The following PADI4 variants were observed in gnomAD, a reference collection of about 807,000 sequenced individuals.
PADI4 encodes the protein peptidyl arginine deiminase 4, also known as protein-arginine deiminase type-4.
Under a neutral mutation model 75.0 loss-of-function variants are expected in PADI4, and 62 were observed. The observed-to-expected ratio is 0.83, with a 90% CI of 0.67 to 1.02. PADI4 has a LOEUF of 1.02. PADI4 is among the 50% of genes least tolerant of loss of function. The pLI is 0.00. For synonymous variants in PADI4, 361 were observed against 348.1 expected, an observed-to-expected ratio of 1.04 and a Z score of -0.41; for missense variants, 845 against 850.5, an observed-to-expected ratio of 0.99 and a Z score of 0.08.
rs748893547 is a variant in PADI4 at position 17,356,008 on chromosome 1, G to A, written c.1336G>A (p.Ala446Thr). 12 of 1,613,988 alleles carry A rather than the reference G, an allele frequency of 7.4e-6. No homozygotes were observed. Among genetic ancestry groups the A allele is most frequent in the African/African-American group, 1.3e-5 (1 of 74,902 alleles). ...CAATGACAGCCGGCAGATGCACCAGGCCCTGCAGGACTTCCTCAGTGCCCA... is the reference window on the plus strand; with the variant it reads ...CAATGACAGCCGGCAGATGCACCAGACCCTGCAGGACTTCCTCAGTGCCCA... ...PSNDSRQMHQ[A>T]LQDFLSAQQV... is the part of the protein sequence containing the mutation. The change falls in exon 12 of 16, where the codon GCC (alanine) becomes ACC (threonine). Residue 446 changes from alanine (A) to threonine (T), a missense_variant. Transcript: ENST00000375448. This position sits in a 1 kb window ranked among gnomAD's most constrained non-coding sequence, Gnocchi z 4.1.
At chr1:17,316,000 C>A (rs956718571) in intron 1 of PADI4, among the ~76,000 whole-genome samples, 2 of 151,922 alleles carry the variant, frequency 1.3e-5, no homozygotes, top group African/African-American at 4.8e-5. Flanking sequence ...CCACAGGGTG[C>A]CTCCACCCAG....
At position 17,356,086 on chromosome 1, in the gene PADI4, G is replaced by A. The variant is rs757419432; in HGVS notation, c.1414G>A (p.Val472Met). ...TTCTGACTGGCTGTCCGTGGGCCAC[G>A]TGGACGAGTTCCTGAGCTTTGTGCC... ...LYSDWLSVGH[V>M]DEFLSFVPAP... Residue 472 changes from valine to methionine, a missense_variant, in exon 12 of 16, where the codon GTG becomes ATG. Transcript: ENST00000375448. The surrounding 1 kb of genome is among the most constrained non-coding windows in gnomAD (Gnocchi z 4.1). 17 of 1,614,088 alleles carry A rather than the reference G, an allele frequency of 1.1e-5. No homozygotes were observed. Among genetic ancestry groups the A allele is most frequent in the South Asian group, 7.7e-5 (7 of 91,092 alleles).
chr1:17,357,792 G>A (rs2074785036), intron 13 of PADI4, among the ~76,000 whole-genome samples: 2 of 151,810 alleles, frequency 1.3e-5, no homozygotes, highest in African/African-American at 2.4e-5. Context: ...TTAGCCGGGC[G>A]TGGTGGCGGG....
At chr1:17,352,218 T>TGATGAGAGGTGGTAGGAGAGGC (rs2074673772) in intron 10 of PADI4, among the ~76,000 whole-genome samples, 10 of 90,512 alleles carry the variant, frequency 1.1e-4, no homozygotes, top group Admixed American at 6.9e-4. Context: ...GTAAGAGGGG[T>TGATGAGAGGTGGTAGGAGAGGC]GGTCAGGGAA....
At chr1:17,323,424 G>C (rs1033120109) in intron 1 of PADI4, among the ~76,000 whole-genome samples, 1 of 152,208 alleles carries the variant, frequency 6.6e-6, no homozygotes, top group Non-Finnish European at 1.5e-5. Flanking sequence ...AATTACTGGG[G>C]ACCATCTTAG....
In PADI4 at chr1:17,350,967, G is replaced by A. The variant is rs1156686011; in HGVS notation, c.1155+2919G>A. 1.6e-5 allele frequency among the ~76,000 whole-genome samples: 2 copies of A among 123,638 alleles called. 1 individual carries two copies. Among genetic ancestry groups the A allele is most frequent in the South Asian group, 6.5e-4 (2 of 3,100 alleles). 81.1% of individuals were successfully genotyped at this position (123,638 alleles called of 152,430 possible). ...TTTGGAAGGCCAAGGTGGGAGAATT[G>A]TTTGAACCCAGGAGTTTGAGACCAG... On this transcript the variant is annotated intron_variant, in intron 10 of 15. Coordinates refer to ENST00000375448, the MANE Select transcript of PADI4 (RefSeq NM_012387.3).
At chr1:17,342,229 C>T in intron 7 of PADI4, 70 bp from the exon 8 acceptor site, 1 of 1,416,208 alleles carries the variant, frequency 7.1e-7, no homozygotes, top group Non-Finnish European at 1.0e-6. Flanking sequence ...CAAACAGCTG[C>T]AGGAAGTGGT....
At chr1:17,316,799 C>T (rs192413401) in intron 1 of PADI4, among the ~76,000 whole-genome samples, 38 of 152,198 alleles carry the variant, frequency 2.5e-4, no homozygotes, top group South Asian at 2.3e-3. Flanking sequence ...TCCCCTGCCC[C>T]GCGCCCAGCT....
In PADI4 at chr1:17,308,294, G is replaced by A; in HGVS notation, c.72G>A (p.Leu24=). 3 of 1,614,022 alleles carry A rather than the reference G, an allele frequency of 1.9e-6. No individual in the cohort carries two copies. Reference sequence around the variant, plus strand: ...ATGCCGTGTGTGTGCTGGGCACCTTGACTCAGCTTGACATCTGCAGGTAAG... The same window carrying A: ...ATGCCGTGTGTGTGCTGGGCACCTTAACTCAGCTTGACATCTGCAGGTAAG... The part of the protein sequence containing the change: ...PTHAVCVLGT[L]TQLDICSSAP... Residue 24 remains leucine, a synonymous_variant, in exon 1 of 16, where the codon TTG becomes TTA. Transcript: ENST00000375448.
intron 8 of PADI4, among the ~76,000 whole-genome samples, chr1:17,343,721 G>T (rs2074464128): frequency 6.6e-6 from 1 of 152,084 alleles, no homozygotes; most frequent in Non-Finnish European, 1.5e-5. Flanking sequence ...TTTTATCAGG[G>T]GTTTCCACTT....
At chr1:17,321,765 G>C (rs774440469) in intron 1 of PADI4, among the ~76,000 whole-genome samples, 1 of 152,200 alleles carries the variant, frequency 6.6e-6, no homozygotes, top group Non-Finnish European at 1.5e-5. Context: ...ACCAAGATGA[G>C]TGTCAATCAT....
In PADI4 at chr1:17,331,143, C is replaced by A; in HGVS notation, c.267C>A (p.Asp89Glu). Residue 89 changes from aspartate (D) to glutamate (E), a missense_variant, in exon 2 of 16, where the codon GAC becomes GAA. By Grantham distance (45) the Asp-to-Glu change is conservative. Coordinates refer to ENST00000375448, the MANE Select transcript of PADI4 (RefSeq NM_012387.3). ...AAGTGGCCAGTGGTAGCACAGGCGA[C>A]CAGAAGGTGAGTGTCATAGCTGTGG... Reference protein sequence around the residue: ...TMKVASGSTGDQKVQISYYGP... With the variant: ...TMKVASGSTGEQKVQISYYGP... The A allele has an allele frequency of 6.2e-7, 1 of 1,609,432 alleles. No homozygotes were observed.
intron 3 of PADI4, among the ~76,000 whole-genome samples, chr1:17,335,933 G>T (rs1388762065): frequency 6.6e-6 from 1 of 152,268 alleles, no homozygotes; most frequent in Non-Finnish European, 1.5e-5. Context: ...AGGGGAACAG[G>T]TGTGGTCAGA....
intron 10 of PADI4, among the ~76,000 whole-genome samples, chr1:17,350,244 C>T (rs1383317401): frequency 1.5e-5 from 2 of 129,296 alleles, no homozygotes; most frequent in African/African-American, 5.0e-5. Flanking sequence ...GTTGTTCTTC[C>T]TGTAAGCATC....
chr1:17,322,345 C>T (rs867495730), intron 1 of PADI4, among the ~76,000 whole-genome samples: 2 of 151,950 alleles, frequency 1.3e-5, no homozygotes, highest in African/African-American at 4.8e-5. Context: ...AAAAATTAGC[C>T]GGGAGTGGTG....
chr1:17,309,178 A>AGG (rs2073733129), intron 1 of PADI4, among the ~76,000 whole-genome samples: 1 of 151,906 alleles, frequency 6.6e-6, no homozygotes, highest in Admixed American at 6.6e-5. Context: ...CCTGGAAAAA[A>AGG]AAAAAAAAAA....
rs1334309820 is a variant in PADI4 at position 17,342,292 on chromosome 1, C to A, written c.832-7C>A. 2 of 1,595,528 alleles carry A rather than the reference C, an allele frequency of 1.3e-6. No individual in the cohort carries two copies. Among genetic ancestry groups the A allele is most frequent in the East Asian group, 2.2e-5 (1 of 44,770 alleles). On this transcript the variant is annotated splice_region_variant and splice_polypyrimidine_tract_variant and intron_variant, in intron 7 of 15. Coordinates refer to ENST00000375448, the MANE Select transcript of PADI4 (RefSeq NM_012387.3). ...GCCCCTCCTTCCCCTTACCCCCTCCCCTGCAGGAGCTCCCCGAGGCTGTGG... is the reference window on the plus strand; with the variant it reads ...GCCCCTCCTTCCCCTTACCCCCTCCACTGCAGGAGCTCCCCGAGGCTGTGG...
At chr1:17,333,717 T>C (rs1403668929) in intron 2 of PADI4, among the ~76,000 whole-genome samples, 1 of 151,928 alleles carries the variant, frequency 6.6e-6, no homozygotes, top group Non-Finnish European at 1.5e-5. Context: ...AGGCAGAGTG[T>C]CTCCATTGCT....
chr1:17,348,413 A>G (rs1045142182), intron 10 of PADI4, among the ~76,000 whole-genome samples: 2 of 152,044 alleles, frequency 1.3e-5, no homozygotes, highest in Admixed American at 1.3e-4. Context: ...GCTCTGTCTT[A>G]TGGGTGGTGT....
Sources: gnomAD v4.1 joint callset for allele counts (sites outside exome capture counted in the v4.1 genomes callset) on GRCh38, gnomAD v4.1.1 for gene constraint, Gnocchi (gnomAD v3.1) non-coding constraint, MANE v1.5 for transcripts, NCBI Gene and HGNC (gene_info 2026-07-23, HGNC 2026-07-21) for gene names.